Variants in CNTNAP5 observed in about 807,000 individuals in gnomAD.
The protein encoded by CNTNAP5 is contactin associated protein family member 5.
A neutral mutation model predicts 150.2 loss-of-function variants in CNTNAP5; 72 were observed. The ratio of observed to expected loss-of-function variants is 0.48; its 90% CI spans 0.40 to 0.58. The LOEUF is 0.58. Among genes scored for constraint, CNTNAP5 ranks in the 20% least tolerant of loss-of-function variants. The pLI, the probability that CNTNAP5 is intolerant of heterozygous loss-of-function variation, is 0.00. For synonymous variants in CNTNAP5, 672 were observed against 619.8 expected (o/e 1.08, Z -1.25); for missense variants, 1,636 against 1,626.2 (o/e 1.01, Z -0.10).
At chr2:124,128,988 C>G (rs1285770017) in intron 1 of CNTNAP5, among the ~76,000 whole-genome samples, 1 of 151,468 alleles carries the variant, frequency 6.6e-6, no homozygotes, top group Non-Finnish European at 1.5e-5. Context: ...TACAGCACAC[C>G]AATATGGCAC....
chr2:124,509,006 A>G (rs1694489156), intron 8 of CNTNAP5, among the ~76,000 whole-genome samples: 1 of 152,232 alleles, frequency 6.6e-6, no homozygotes, highest in Non-Finnish European at 1.5e-5. Context: ...CAACGGGGCT[A>G]TACTTGATGC....
chr2:124,408,172 C>A (rs954536116), intron 3 of CNTNAP5, among the ~76,000 whole-genome samples: 3 of 152,180 alleles, frequency 2.0e-5, no homozygotes, highest in Admixed American at 2.0e-4. Flanking sequence ...TGCGCTTTTC[C>A]GACGGGCTTA....
At chr2:124,607,157 C>T (rs374570796) in intron 11 of CNTNAP5, among the ~76,000 whole-genome samples, 14 of 152,242 alleles carry the variant, frequency 9.2e-5, no homozygotes, top group African/African-American at 1.9e-4. Context: ...AAAACAACAC[C>T]TGGAAACAAC....
At chr2:124,174,152 T>C (rs1375517854) in intron 1 of CNTNAP5, among the ~76,000 whole-genome samples, 2 of 152,084 alleles carry the variant, frequency 1.3e-5, no homozygotes, top group Non-Finnish European at 2.9e-5. Flanking sequence ...TTACTGCTCA[T>C]TGACAATGCA....
At chr2:124,244,278 G>A (rs145644502) in intron 3 of CNTNAP5, among the ~76,000 whole-genome samples, 27 of 152,144 alleles carry the variant, frequency 1.8e-4, no homozygotes, top group African/African-American at 6.3e-4. Flanking sequence ...CTCCTCAAAG[G>A]CAGGGATCTC....
intron 3 of CNTNAP5, among the ~76,000 whole-genome samples, chr2:124,277,706 C>T (rs1408474014): frequency 6.6e-6 from 1 of 152,122 alleles, no homozygotes. Flanking sequence ...GGTTGATCTG[C>T]TAGCAAGAAC....
At chr2:124,910,182 A>G (rs1050145985) in intron 22 of CNTNAP5, among the ~76,000 whole-genome samples, 35 of 151,902 alleles carry the variant, frequency 2.3e-4, no homozygotes, top group African/African-American at 8.2e-4. Flanking sequence ...AACATCTTTC[A>G]CGTGTGTCTC....
intron 9 of CNTNAP5, among the ~76,000 whole-genome samples, chr2:124,526,479 A>G (rs1006362600): frequency 1.3e-5 from 2 of 152,180 alleles, no homozygotes; most frequent in Admixed American, 1.3e-4. Flanking sequence ...TCAAGCTTGC[A>G]TTCCCATATG....
intron 1 of CNTNAP5, among the ~76,000 whole-genome samples, chr2:124,123,339 G>C (rs1683612895): frequency 6.6e-6 from 1 of 152,140 alleles, no homozygotes; most frequent in Non-Finnish European, 1.5e-5. Flanking sequence ...GCAAAAAGGT[G>C]GCAGCGAGGC....
chr2:124,850,361 T>TAG (rs1158685855), intron 19 of CNTNAP5, among the ~76,000 whole-genome samples: 1 of 151,908 alleles, frequency 6.6e-6, no homozygotes, highest in Non-Finnish European at 1.5e-5. Context: ...GAGATGTGGA[T>TAG]AGAGAGACAC....
chr2:124,864,859 G>A lies in CNTNAP5; in HGVS notation c.3218-447G>A, dbSNP rs554258122. The stretch of plus-strand genomic sequence containing the variant: ...TAATCTGGCCACATTCCCATCATGG[G>A]CATTATATATCAACGGGTGATAACA... On this transcript the variant is annotated intron_variant, in intron 19 of 23. Coordinates refer to ENST00000682447, the MANE Select transcript of CNTNAP5 (RefSeq NM_001367498.1). Among the ~76,000 whole-genome samples the A allele has an allele frequency of 9.9e-5, 15 of 152,170 alleles. No homozygotes were observed. The South Asian group carries it at 3.1e-3, about 32-fold the overall frequency.
intron 13 of CNTNAP5, among the ~76,000 whole-genome samples, chr2:124,665,612 C>A (rs955226714): frequency 6.6e-6 from 1 of 152,136 alleles, no homozygotes; most frequent in South Asian, 2.1e-4. Flanking sequence ...ATTGGCCAGG[C>A]GTGGTGGCTT....
intron 13 of CNTNAP5, among the ~76,000 whole-genome samples, chr2:124,726,963 G>T (rs1680169327): frequency 6.6e-6 from 1 of 151,936 alleles, no homozygotes; most frequent in South Asian, 2.1e-4. Flanking sequence ...ATTTTTACAG[G>T]TACAGGTCTT....
chr2:124,461,048 G>A (rs1392409535), intron 6 of CNTNAP5, among the ~76,000 whole-genome samples: 1 of 152,122 alleles, frequency 6.6e-6, no homozygotes, highest in Non-Finnish European at 1.5e-5. Context: ...AGAGGATGTG[G>A]AGAAATAGGA....
At chr2:124,572,106 G>A (rs1696177787) in intron 11 of CNTNAP5, among the ~76,000 whole-genome samples, 1 of 152,190 alleles carries the variant, frequency 6.6e-6, no homozygotes. Context: ...ATTCACTGCT[G>A]TTGAGAGGAT....
At chr2:124,424,234 G>T (rs1178274359) in intron 4 of CNTNAP5, among the ~76,000 whole-genome samples, 1 of 152,012 alleles carries the variant, frequency 6.6e-6, no homozygotes, top group African/African-American at 2.4e-5. Flanking sequence ...TCATCATCTG[G>T]GATCATTTGT....
rs1558743814 is a variant in CNTNAP5, at chr2:124,707,158, A to AGAG, written c.2078-40069_2078-40068insGGA. Among the ~76,000 whole-genome samples the AGAG allele has an allele frequency of 4.3e-3, 454 of 104,374 alleles. 18 individuals carry two copies. Among genetic ancestry groups the AGAG allele is most frequent in the African/African-American group, 0.013 (432 of 32,552 alleles). The allele number at this position is 104,374 out of a possible 152,430, so 68.5% of individuals were successfully genotyped here. On this transcript the variant is annotated intron_variant, in intron 13 of 23. Transcript: ENST00000682447. Reference sequence around the variant, plus strand: ...AAGAAGAGGAAGAAGAAGAAGAAGAAGAAGAAGAAGAAGAAGAAGAAGAAG... The same window carrying AGAG: ...AAGAAGAGGAAGAAGAAGAAGAAGAAGAGGAAGAAGAAGAAGAAGAAGAAGAAG...
At chr2:124,493,667 T>C (rs1694082639) in intron 7 of CNTNAP5, among the ~76,000 whole-genome samples, 3 of 152,010 alleles carry the variant, frequency 2.0e-5, no homozygotes, top group Admixed American at 2.0e-4. Flanking sequence ...TAAAAGTACT[T>C]CATTGAAGAT....
intron 19 of CNTNAP5, among the ~76,000 whole-genome samples, chr2:124,826,345 A>C (rs1326785635): frequency 1.3e-5 from 2 of 151,974 alleles, no homozygotes; most frequent in Admixed American, 6.6e-5. Context: ...TAGAGGTTCA[A>C]ATTTTGATTG....
Sources: gnomAD v4.1 joint callset for allele counts (sites outside exome capture counted in the v4.1 genomes callset) on GRCh38, gnomAD v4.1.1 for gene constraint, MANE v1.5 for transcripts, NCBI Gene and HGNC (gene_info 2026-07-23, HGNC 2026-07-21) for gene names.